SP6: variants seen among roughly 807,000 people sequenced by gnomAD.
The protein encoded by SP6 is transcription factor Sp6.
In SP6, 10 loss-of-function variants were observed where a neutral mutation model predicts 23.4. The ratio of observed to expected loss-of-function variants is 0.43; its 90% CI spans 0.26 to 0.72. The LOEUF (loss-of-function observed/expected upper bound fraction) is 0.72, where lower values mean the gene tolerates loss of function less well. SP6 is among the 30% of genes least tolerant of loss of function. The probability of loss-of-function intolerance (pLI) is 0.23; values close to 1 mark genes in which losing one functional copy is unlikely to be tolerated. For synonymous variants in SP6, 238 were observed against 238.7 expected (o/e 1.00, Z 0.03); for missense variants, 482 against 523.8 (o/e 0.92, Z 0.78).
the SP6 span, among the ~76,000 whole-genome samples, chr17:47,872,727 G>GC: frequency 1.3e-5 from 2 of 152,290 alleles, no homozygotes; most frequent in African/African-American, 2.4e-5. Flanking sequence ...CCTCTCACCA[G>GC]CCCCCCGGCG....
chr17:47,866,180 T>A, the SP6 span, among the ~76,000 whole-genome samples: 98,103 of 151,864 alleles, frequency 0.65, 32,761 homozygotes, highest in East Asian at 0.98. Context: ...TGGGAGGGGA[T>A]ACAGACCTGA....
chr17:47,869,902 C>T, the SP6 span, among the ~76,000 whole-genome samples: 1 of 152,200 alleles, frequency 6.6e-6, no homozygotes, highest in Non-Finnish European at 1.5e-5. Flanking sequence ...GTTCAATAAA[C>T]ATTTACATTA....
At chr17:47,876,075 T>C in the SP6 span, among the ~76,000 whole-genome samples, 3 of 152,328 alleles carry the variant, frequency 2.0e-5, no homozygotes, top group Admixed American at 1.3e-4. Flanking sequence ...TACCATGTTC[T>C]GTTTAAAGAC....
chr17:47,871,764 G>A, the SP6 span, among the ~76,000 whole-genome samples: 4 of 152,068 alleles, frequency 2.6e-5, no homozygotes. Context: ...GACTACAGGT[G>A]CCTGCCACCA....
At chr17:47,860,247 G>A (rs1038209244), upstream of SP6, among the ~76,000 whole-genome samples, 1 of 152,082 alleles carries the variant, frequency 6.6e-6, no homozygotes. Flanking sequence ...AGCTCCTATG[G>A]ATCTTTTAAA....
chr17:47,862,276 A>G, the SP6 span, among the ~76,000 whole-genome samples: 2 of 151,144 alleles, frequency 1.3e-5, no homozygotes, highest in African/African-American at 4.9e-5. Flanking sequence ...CCTGGGAGGC[A>G]GAGGTTGCAA....
the SP6 span, among the ~76,000 whole-genome samples, chr17:47,862,388 G>C: frequency 1.1e-4 from 16 of 149,660 alleles, no homozygotes. Flanking sequence ...CACGCCTGTA[G>C]TCCAAGCTAC....
At position 47,846,127 on chromosome 17, in the gene SP6, T is replaced by G. The variant is rs1302841232; in HGVS notation, c.*1172A>C. ...CTTTCCTCTCCCTTCCCCTGTGAGA[T>G]GAGGGGGAGGAAGGAATCCCCTAAT... On this transcript the variant is annotated 3_prime_UTR_variant, in exon 2 of 2. Coordinates refer to ENST00000536300, the MANE Select transcript of SP6 (RefSeq NM_001258248.2). 1 of 152,148 alleles carries G rather than the reference T, an allele frequency of 6.6e-6. No homozygotes were observed. Among genetic ancestry groups the G allele is most frequent in the South Asian group, 2.1e-4 (1 of 4,830 alleles). The allele number at this position is 152,148 out of a possible 1,614,324, so 9.4% of individuals were successfully genotyped here.
chr17:47,863,924 G>C, the SP6 span, among the ~76,000 whole-genome samples: 1 of 151,288 alleles, frequency 6.6e-6, no homozygotes, highest in Non-Finnish European at 1.5e-5. Context: ...ATTTTTAGTA[G>C]AGATGGGGTT....
upstream of SP6, among the ~76,000 whole-genome samples, chr17:47,860,277 A>G (rs895816139): frequency 6.6e-6 from 1 of 152,150 alleles, no homozygotes. Flanking sequence ...CTATGTCCCC[A>G]TGCTCTCTAA....
the SP6 span, among the ~76,000 whole-genome samples, chr17:47,871,586 C>A: frequency 0.23 from 35,050 of 151,684 alleles, 4,383 homozygotes; most frequent in Non-Finnish European, 0.27. Flanking sequence ...GTTCCTGCCT[C>A]TGTATCCCCA....
upstream of SP6, among the ~76,000 whole-genome samples, chr17:47,852,811 C>T (rs1218304197): frequency 6.6e-6 from 1 of 152,170 alleles, no homozygotes; most frequent in Non-Finnish European, 1.5e-5. Context: ...TTCCCTCATC[C>T]GGACAACCTG....
Position 47,848,645 on chromosome 17 carries a change from C to T in SP6, c.-57-159G>A, listed in dbSNP as rs1293009204. Among the ~76,000 whole-genome samples the T allele has an allele frequency of 1.3e-5, 2 of 152,092 alleles. No individual in the cohort carries two copies. The highest frequency in any genetic ancestry group is 4.8e-5 in the African/African-American group (2 of 41,396). ...GAATTCGGGAGTGCGAGGAAGGGTC[C>T]AAGATGTGAGGTTCTCATCCAAGCA... On this transcript the variant is annotated intron_variant, in intron 1 of 1. Transcript: ENST00000536300. This position sits in a 1 kb window ranked among gnomAD's most constrained non-coding sequence, Gnocchi z 5.3.
the SP6 span, among the ~76,000 whole-genome samples, chr17:47,868,899 C>T: frequency 2.0e-5 from 3 of 152,188 alleles, no homozygotes; most frequent in Admixed American, 6.5e-5. Flanking sequence ...GATGAAAGGG[C>T]GTCTTTGAAA....
upstream of SP6, among the ~76,000 whole-genome samples, chr17:47,855,380 T>C (rs1030729747): frequency 6.6e-6 from 1 of 152,208 alleles, no homozygotes; most frequent in African/African-American, 2.4e-5. Context: ...GTATTTCTAT[T>C]AACATTTATT....
chr17:47,851,875 C>T (rs189028118), upstream of SP6, among the ~76,000 whole-genome samples: 97 of 151,954 alleles, frequency 6.4e-4, no homozygotes, highest in African/African-American at 2.2e-3. Context: ...TGCCCACCAC[C>T]GGTCTCTGCT....
upstream of SP6, among the ~76,000 whole-genome samples, chr17:47,859,115 C>T (rs1472041717): frequency 6.6e-6 from 1 of 152,162 alleles, no homozygotes; most frequent in African/African-American, 2.4e-5. Context: ...CACTTCCCAT[C>T]TCCAACACAT....
the SP6 span, among the ~76,000 whole-genome samples, chr17:47,863,985 G>A: frequency 6.7e-6 from 1 of 148,638 alleles, no homozygotes; most frequent in African/African-American, 2.5e-5. Context: ...TTACAGGCAT[G>A]AGCTACCGCG....
upstream of SP6, among the ~76,000 whole-genome samples, chr17:47,852,381 A>G (rs981115417): frequency 2.6e-5 from 4 of 151,972 alleles, no homozygotes; most frequent in Non-Finnish European, 4.4e-5. Flanking sequence ...AGGTGGCCCC[A>G]TGCTTCACTC....
Sources: gnomAD v4.1 joint callset for allele counts (sites outside exome capture counted in the v4.1 genomes callset) on GRCh38, gnomAD v4.1.1 for gene constraint, Gnocchi (gnomAD v3.1) non-coding constraint, MANE v1.5 for transcripts, NCBI Gene and HGNC (gene_info 2026-07-23, HGNC 2026-07-21) for gene names.